TBC1D22A: variants seen among roughly 807,000 people sequenced by gnomAD.
The protein encoded by TBC1D22A is putative GTPase activator.
In TBC1D22A, 38 loss-of-function variants were observed where a neutral mutation model predicts 60.2. The observed-to-expected ratio is 0.63, with a 90% confidence interval of 0.49 to 0.83. The LOEUF is 0.83. Ranked by LOEUF, TBC1D22A falls within the 40% of genes least tolerant of loss-of-function variation. The pLI is 0.00. For synonymous variants in TBC1D22A, 302 were observed against 281.7 expected (o/e 1.07, Z -0.72); for missense variants, 628 against 701.0 (o/e 0.90, Z 1.18).
At chr22:47,043,639 C>T (rs1217571577) in intron 11 of TBC1D22A, among the ~76,000 whole-genome samples, 3 of 151,942 alleles carry the variant, frequency 2.0e-5, no homozygotes, top group Non-Finnish European at 4.4e-5. Flanking sequence ...CCTGGGGAGA[C>T]ATGTGAGCAG....
chr22:46,797,422 C>T (rs777035537), intron 3 of TBC1D22A, 22 bp from the exon 4 acceptor site: 1 of 1,611,760 alleles, frequency 6.2e-7, no homozygotes, highest in South Asian at 1.1e-5. Flanking sequence ...TCACCCTCAC[C>T]CCCATTCTCT....
At chr22:46,835,232 C>T (rs894806704) in intron 4 of TBC1D22A, among the ~76,000 whole-genome samples, 1 of 152,174 alleles carries the variant, frequency 6.6e-6, no homozygotes, top group African/African-American at 2.4e-5. Flanking sequence ...GTCAGGGAAA[C>T]ATGACCTGAC....
chr22:47,118,934 A>G (rs1354742813), intron 12 of TBC1D22A, among the ~76,000 whole-genome samples: 3 of 152,196 alleles, frequency 2.0e-5, no homozygotes, highest in Admixed American at 2.0e-4. Flanking sequence ...CGTGATCATG[A>G]GGTCAGGAGA....
intron 8 of TBC1D22A, among the ~76,000 whole-genome samples, chr22:46,971,712 T>G (rs1180114275): frequency 6.6e-6 from 1 of 152,212 alleles, no homozygotes; most frequent in Non-Finnish European, 1.5e-5. Context: ...CAAAGCACAC[T>G]GATCAGCGCG....
At position 47,045,270 on chromosome 22, in the gene TBC1D22A, C is replaced by T. The variant is rs367593152; in HGVS notation, c.1329+8072C>T. 5.3e-5 allele frequency among the ~76,000 whole-genome samples: 8 copies of T among 152,308 alleles called. No homozygotes were observed. The South Asian group carries it at 1.0e-3, about 20-fold the overall frequency. On this transcript the variant is annotated intron_variant, in intron 11 of 12. Transcript: ENST00000337137. ...TGTGTTCACTGTCCCTCGGACTCTG[C>T]GGGAAAACGTGATGCAGAGCCACGG... is the stretch of plus-strand genomic sequence containing the variant.
chr22:46,926,891 T>G (rs2071079078), intron 8 of TBC1D22A, among the ~76,000 whole-genome samples: 1 of 152,226 alleles, frequency 6.6e-6, no homozygotes, highest in Non-Finnish European at 1.5e-5. Flanking sequence ...AACAATGAAC[T>G]AATTTTCATC....
chr22:47,057,312 C>T (rs2148462116), intron 11 of TBC1D22A, among the ~76,000 whole-genome samples: 1 of 152,312 alleles, frequency 6.6e-6, no homozygotes, highest in African/African-American at 2.4e-5. Context: ...GAAGTTCTTG[C>T]CTCCCACCCC....
chr22:47,120,849 A>G (rs901435245), intron 12 of TBC1D22A, among the ~76,000 whole-genome samples: 2 of 152,242 alleles, frequency 1.3e-5, no homozygotes, highest in Admixed American at 6.5e-5. Flanking sequence ...TAACAAGTTA[A>G]CTTAATATGG....
At chr22:47,073,358 T>C (rs1028042834) in intron 11 of TBC1D22A, among the ~76,000 whole-genome samples, 5 of 152,154 alleles carry the variant, frequency 3.3e-5, no homozygotes, top group Admixed American at 1.3e-4. Flanking sequence ...ACACTCTGCC[T>C]TTCTAGAATT....
At chr22:47,026,011 G>A (rs2062245175) in intron 10 of TBC1D22A, among the ~76,000 whole-genome samples, 1 of 152,216 alleles carries the variant, frequency 6.6e-6, no homozygotes, top group African/African-American at 2.4e-5. Context: ...ACAGATTTTA[G>A]TAAATCAAAT....
chr22:46,991,020 T>C (rs996570595), intron 9 of TBC1D22A, among the ~76,000 whole-genome samples: 1 of 152,182 alleles, frequency 6.6e-6, no homozygotes, highest in Non-Finnish European at 1.5e-5. Context: ...GTTTGATGGC[T>C]GACACATCAT....
chr22:46,789,861 AC>A (rs2084331205), intron 1 of TBC1D22A, among the ~76,000 whole-genome samples: 1 of 152,216 alleles, frequency 6.6e-6, no homozygotes, highest in Admixed American at 6.5e-5. Flanking sequence ...AAGGGTAGGA[AC>A]GAGCCCTCTA....
At chr22:46,802,476 A>G (rs556014494) in intron 4 of TBC1D22A, among the ~76,000 whole-genome samples, 1 of 152,200 alleles carries the variant, frequency 6.6e-6, no homozygotes, top group African/African-American at 2.4e-5. Context: ...CCTGCGGGCA[A>G]TAGAGCTTCA....
intron 12 of TBC1D22A, among the ~76,000 whole-genome samples, chr22:47,162,892 C>G (rs1229614684): frequency 6.6e-6 from 1 of 152,148 alleles, no homozygotes; most frequent in Non-Finnish European, 1.5e-5. Context: ...TGTAGGCCCT[C>G]CCCTCGAGCA....
intron 1 of TBC1D22A, among the ~76,000 whole-genome samples, chr22:46,791,184 AATTTTTTTGT>A (rs1055093214): frequency 1.3e-5 from 2 of 152,098 alleles, no homozygotes; most frequent in Non-Finnish European, 2.9e-5. Flanking sequence ...ACGCCCAGCC[AATTTTTTTGT>A]ATTTTTTTGT....
intron 8 of TBC1D22A, among the ~76,000 whole-genome samples, chr22:46,961,454 G>A (rs1038244892): frequency 1.3e-5 from 2 of 152,144 alleles, no homozygotes; most frequent in African/African-American, 2.4e-5. Context: ...CTTTTCAAGC[G>A]ACTCCAGACA....
intron 11 of TBC1D22A, among the ~76,000 whole-genome samples, chr22:47,060,439 G>GT (rs2063533983): frequency 6.8e-6 from 1 of 146,632 alleles, no homozygotes; most frequent in Admixed American, 6.8e-5. Context: ...TTGTTGTTTT[G>GT]GTTTTTTCTG....
intron 11 of TBC1D22A, among the ~76,000 whole-genome samples, chr22:47,082,684 A>G (rs1041068851): frequency 2.6e-5 from 4 of 152,368 alleles, no homozygotes; most frequent in Non-Finnish European, 5.9e-5. Context: ...ACAAGGTACT[A>G]CTACACGCCC....
chr22:46,807,043 G>T (rs948461201), intron 4 of TBC1D22A, among the ~76,000 whole-genome samples: 1 of 152,354 alleles, frequency 6.6e-6, no homozygotes, highest in East Asian at 1.9e-4. Context: ...TTCTGTGACC[G>T]CAGATTCTTC....
Sources: gnomAD v4.1 joint callset for allele counts (sites outside exome capture counted in the v4.1 genomes callset) on GRCh38, gnomAD v4.1.1 for gene constraint, MANE v1.5 for transcripts, NCBI Gene and HGNC (gene_info 2026-07-23, HGNC 2026-07-21) for gene names.